ACBD7: variants seen among roughly 807,000 people sequenced by gnomAD.
ACBD7 encodes acyl-CoA-binding domain-containing protein 7.
Under a neutral mutation model 13.7 loss-of-function variants are expected in ACBD7, and 11 were observed. That is an observed-to-expected ratio of 0.80 (90% CI 0.50 to 1.33). The LOEUF is 1.33. ACBD7 is among the 40% of genes most tolerant of loss of function. The pLI is 0.00. For synonymous variants in ACBD7, 43 were observed against 37.7 expected, an observed-to-expected ratio of 1.14 and a Z score of -0.51; for missense variants, 111 against 103.0, an observed-to-expected ratio of 1.08 and a Z score of -0.33.
intron 3 of ACBD7, 24 bp downstream of exon 3, chr10:15,078,667 T>C (rs751091564): frequency 1.9e-6 from 3 of 1,614,094 alleles, no homozygotes; most frequent in Non-Finnish European, 2.5e-6. Flanking sequence ...AAGTTTGCTT[T>C]AAACTTGTGA....
At chr10:15,086,910 G>A (rs1314859355) in intron 1 of ACBD7, among the ~76,000 whole-genome samples, 1 of 152,104 alleles carries the variant, frequency 6.6e-6, no homozygotes, top group African/African-American at 2.4e-5. Context: ...CTACTCAGGA[G>A]GCTGAGGCAG....
Position 15,076,963 on chromosome 10 carries a change from G to C in ACBD7, c.*1567C>G, listed in dbSNP as rs1283187813. On this transcript the variant is annotated 3_prime_UTR_variant, in exon 4 of 4. Transcript: ENST00000356189. ...CAAAAAACAACAGATGTGGAGAAAAGGGAATGCTTATACACTATTGGTGGG... is the reference window on the plus strand; with the variant it reads ...CAAAAAACAACAGATGTGGAGAAAACGGAATGCTTATACACTATTGGTGGG... The C allele has an allele frequency of 1.0e-6, 1 of 977,500 alleles. No individual in the cohort carries two copies. The highest frequency in any genetic ancestry group is 1.2e-6 in the Non-Finnish European group (1 of 822,892). 60.6% of individuals were successfully genotyped at this position (977,500 alleles called of 1,614,324 possible). A position where few individuals can be genotyped will look rare whatever the true frequency, so the allele number is the denominator to read the frequency against.
Position 15,076,791 on chromosome 10 carries a change from C to G in ACBD7, c.*1739G>C. On this transcript the variant is annotated 3_prime_UTR_variant, in exon 4 of 4. Transcript: ENST00000356189. ...GTGCTGAGATTAGAGGCGTGAGCCA[C>G]CACGCTCAGCCTTGCCATTGATTCT... is the stretch of plus-strand genomic sequence containing the variant. The G allele has an allele frequency of 1.0e-6, 1 of 985,368 alleles. No individual in the cohort carries two copies. Among genetic ancestry groups the G allele is most frequent in the Non-Finnish European group, 1.2e-6 (1 of 829,890 alleles). 61.0% of individuals were successfully genotyped at this position (985,368 alleles called of 1,614,324 possible).
In ACBD7 at chr10:15,076,965, G is replaced by A. The variant is rs970363539; in HGVS notation, c.*1565C>T. The A allele has an allele frequency of 1.0e-6, 1 of 974,596 alleles. No homozygotes were observed. The highest frequency in any genetic ancestry group is 1.8e-5 in the African/African-American group (1 of 56,970). 60.4% of individuals were successfully genotyped at this position (974,596 alleles called of 1,614,324 possible). ...AAAAACAACAGATGTGGAGAAAAGGGAATGCTTATACACTATTGGTGGGAA... is the reference window on the plus strand; with the variant it reads ...AAAAACAACAGATGTGGAGAAAAGGAAATGCTTATACACTATTGGTGGGAA... On this transcript the variant is annotated 3_prime_UTR_variant, in exon 4 of 4. Transcript: ENST00000356189.
At position 15,078,551 on chromosome 10, in the gene ACBD7, C is replaced by A; in HGVS notation, c.246G>T (p.Leu82=). ...TSAYISKAKE[L]IEKYGI is the part of the protein sequence containing the mutation. ...TATTCTAAATTCCGTATTTTTCTATCAGCTCCTTTGCTTTAGAAATATAGG... is the reference window on the plus strand; with the variant it reads ...TATTCTAAATTCCGTATTTTTCTATAAGCTCCTTTGCTTTAGAAATATAGG... The change falls in exon 4 of 4, where the codon CTG becomes CTT. Residue 82 remains leucine (L), a synonymous_variant. Coordinates refer to ENST00000356189, the MANE Select transcript of ACBD7 (RefSeq NM_001039844.3). 1 of 1,614,146 alleles carries A rather than the reference C, an allele frequency of 6.2e-7. No individual in the cohort carries two copies. Among genetic ancestry groups the A allele is most frequent in the South Asian group, 1.1e-5 (1 of 91,086 alleles).
rs774246953 is a variant in ACBD7 at position 15,078,537 on chromosome 10, C to T, written c.260G>A (p.Gly87Glu). 8.7e-6 allele frequency: 14 copies of T among 1,613,974 alleles called. No homozygotes were observed. The highest frequency in any genetic ancestry group is 1.2e-5 in the Non-Finnish European group (14 of 1,180,030). The part of the protein sequence containing the change: ...SKAKELIEKY[G>E]I ...TTCCTCATATGCTGTATTCTAAATT[C>T]CGTATTTTTCTATCAGCTCCTTTGC... is the stretch of plus-strand genomic sequence containing the variant. Residue 87 changes from glycine to glutamate, a missense_variant, in exon 4 of 4, where the codon GGA (glycine) becomes GAA (glutamate). Coordinates refer to ENST00000356189, the MANE Select transcript of ACBD7 (RefSeq NM_001039844.3).
chr10:15,076,723 C>G lies in ACBD7; in HGVS notation c.*1807G>C, dbSNP rs1037091638. Reference sequence around the variant, plus strand: ...TTTGCAATGTTGGTCAGGCTGGTCTCGAACTTCTGACCTCAGTAATCCACC... The same window carrying G: ...TTTGCAATGTTGGTCAGGCTGGTCTGGAACTTCTGACCTCAGTAATCCACC... On this transcript the variant is annotated 3_prime_UTR_variant, in exon 4 of 4. Transcript: ENST00000356189. 1.2e-5 allele frequency: 11 copies of G among 917,132 alleles called. No homozygotes were observed. The highest frequency in any genetic ancestry group is 5.0e-5 in the South Asian group (1 of 19,844). The allele number at this position is 917,132 out of a possible 1,614,324, so 56.8% of individuals were successfully genotyped here.
Position 15,075,923 on chromosome 10 carries a change from G to T in ACBD7, c.*2607C>A. On this transcript the variant is annotated 3_prime_UTR_variant, in exon 4 of 4. Coordinates refer to ENST00000356189, the MANE Select transcript of ACBD7 (RefSeq NM_001039844.3). The stretch of plus-strand genomic sequence containing the variant: ...TGGGAGGCAGAGGTTGCAGTGAGCC[G>T]AGAGCGTGCCACTGCGCTCCAGCCT... 1 of 212,830 alleles carries T rather than the reference G, an allele frequency of 4.7e-6. No individual in the cohort carries two copies. Among genetic ancestry groups the T allele is most frequent in the Non-Finnish European group, 7.9e-6 (1 of 127,274 alleles). The allele number at this position is 212,830 out of a possible 1,614,324, so 13.2% of individuals were successfully genotyped here. A position where few individuals can be genotyped will look rare whatever the true frequency, so the allele number is the denominator to read the frequency against.
chr10:15,081,152 G>A lies in ACBD7; in HGVS notation c.13-2112C>T, dbSNP rs953010445. Reference sequence around the variant, plus strand: ...AAACAGGCAGGCCTCCATAACAACCGTTTCAGCACTGACTGAGTGGTTAAC... The same window carrying A: ...AAACAGGCAGGCCTCCATAACAACCATTTCAGCACTGACTGAGTGGTTAAC... On this transcript the variant is annotated intron_variant, in intron 1 of 3. Coordinates refer to ENST00000356189, the MANE Select transcript of ACBD7 (RefSeq NM_001039844.3). 3.3e-5 allele frequency among the ~76,000 whole-genome samples: 5 copies of A among 152,252 alleles called. No homozygotes were observed. In the East Asian group the frequency reaches 5.8e-4, roughly 18 times the overall value.
intron 1 of ACBD7, among the ~76,000 whole-genome samples, chr10:15,087,013 CAAA>C (rs542190096): frequency 9.3e-6 from 1 of 107,348 alleles, no homozygotes. Flanking sequence ...AACTCCATCT[CAAA>C]AAAAAAAAAA....
rs764728599 is a variant in ACBD7, at chr10:15,076,282, C to T, written c.*2248G>A. 1.2e-5 allele frequency: 12 copies of T among 985,122 alleles called. No homozygotes were observed. The highest frequency in any genetic ancestry group is 1.4e-5 in the Non-Finnish European group (12 of 829,892). The allele number at this position is 985,122 out of a possible 1,614,324, so 61.0% of individuals were successfully genotyped here. On this transcript the variant is annotated 3_prime_UTR_variant, in exon 4 of 4. Transcript: ENST00000356189. ...GTCTTCTTTCAAAGAGCCTGTGTAC[C>T]ATCCAGAAAGACTGAGTAGGGGGCC...
At chr10:15,079,883 C>CTTTT (rs34762205) in intron 1 of ACBD7, among the ~76,000 whole-genome samples, 2 of 138,434 alleles carry the variant, frequency 1.4e-5, no homozygotes, top group African/African-American at 2.6e-5. Flanking sequence ...AGCTGCTTTT[C>CTTTT]TTTTTTTTTT....
chr10:15,083,754 A>G (rs1039615971), intron 1 of ACBD7, among the ~76,000 whole-genome samples: 10 of 152,228 alleles, frequency 6.6e-5, no homozygotes, highest in African/African-American at 2.4e-4. Context: ...AAGTGCTGGG[A>G]TTACAGGCGT....
Position 15,088,745 on chromosome 10 carries a change from T to C in ACBD7, c.-17A>G, listed in dbSNP as rs1318699683. The stretch of plus-strand genomic sequence containing the variant: ...CAGGGCCATGGTGGCGGCTGCCGCG[T>C]TGTTGCTGCTGCTGTTGTCGTCCGG... On this transcript the variant is annotated 5_prime_UTR_variant, in exon 1 of 4. Coordinates refer to ENST00000356189, the MANE Select transcript of ACBD7 (RefSeq NM_001039844.3). The C allele has an allele frequency of 3.1e-6, 5 of 1,598,568 alleles. No homozygotes were observed. Among genetic ancestry groups the C allele is most frequent in the Non-Finnish European group, 4.3e-6 (5 of 1,175,358 alleles).
In ACBD7 at chr10:15,088,409, G is replaced by A. The variant is rs1439238455; in HGVS notation, c.12+308C>T. 13 of 492,616 alleles carry A rather than the reference G, an allele frequency of 2.6e-5. No homozygotes were observed. The East Asian group carries it at 4.5e-4, about 17-fold the overall frequency. The allele number at this position is 492,616 out of a possible 1,614,324, so 30.5% of individuals were successfully genotyped here. On this transcript the variant is annotated intron_variant, in intron 1 of 3. Transcript: ENST00000356189. ...CCAACGAGCGAAGGGGCGGGAGCGG[G>A]GGATCTCGACTCCCTCTCGGAGACG...
At position 15,088,772 on chromosome 10, in the gene ACBD7, G is replaced by A. The variant is rs776874064; in HGVS notation, c.-44C>T. The A allele has an allele frequency of 1.3e-6, 2 of 1,595,140 alleles. No individual in the cohort carries two copies. The highest frequency in any genetic ancestry group is 2.3e-5 in the East Asian group (1 of 42,708). On this transcript the variant is annotated 5_prime_UTR_variant, in exon 1 of 4. Coordinates refer to ENST00000356189, the MANE Select transcript of ACBD7 (RefSeq NM_001039844.3). ...GTTGCTGCTGCTGTTGTCGTCCGGT[G>A]CTCTGCCCCCTCTCGCACCCACCGC...
Position 15,085,420 on chromosome 10 carries a change from T to C in ACBD7, c.12+3297A>G, listed in dbSNP as rs148805969. On this transcript the variant is annotated intron_variant, in intron 1 of 3. Transcript: ENST00000356189. Reference sequence around the variant, plus strand: ...AGGGTGGCTCTCACCTCACCTGACTTTACTTTCTGCAATGAACATGGTCAT... The same window carrying C: ...AGGGTGGCTCTCACCTCACCTGACTCTACTTTCTGCAATGAACATGGTCAT... Among the ~76,000 whole-genome samples, 890 of 152,284 alleles carry C rather than the reference T, an allele frequency of 5.8e-3. 6 individuals are homozygous for C. The highest frequency in any genetic ancestry group is 9.5e-3 in the Non-Finnish European group (645 of 68,008).
intron 1 of ACBD7, among the ~76,000 whole-genome samples, chr10:15,087,833 C>T (rs1589262759): frequency 7.4e-6 from 1 of 135,908 alleles, no homozygotes; most frequent in African/African-American, 2.8e-5. Flanking sequence ...AAAAAAATTA[C>T]AAAAATCAGC....
At chr10:15,080,014 T>C (rs1029030272) in intron 1 of ACBD7, among the ~76,000 whole-genome samples, 15 of 152,048 alleles carry the variant, frequency 9.9e-5, no homozygotes, top group African/African-American at 3.1e-4. Flanking sequence ...AATACCATCG[T>C]CTAGGGCGTT....
Sources: gnomAD v4.1 joint callset for allele counts (sites outside exome capture counted in the v4.1 genomes callset) on GRCh38, gnomAD v4.1.1 for gene constraint, MANE v1.5 for transcripts, NCBI Gene and HGNC (gene_info 2026-07-23, HGNC 2026-07-21) for gene names.